The following PARP9 variants were observed in gnomAD, a reference collection of about 807,000 sequenced individuals.
PARP9 encodes poly(ADP-ribose) polymerase family member 9, also known as protein mono-ADP-ribosyltransferase PARP9.
In PARP9, 48 loss-of-function variants were observed where a neutral mutation model predicts 68.8. That is an observed-to-expected ratio of 0.70 (90% CI 0.55 to 0.89). The LOEUF (loss-of-function observed/expected upper bound fraction) is 0.89. PARP9 is among the 40% of genes least tolerant of loss of function. The pLI is 0.00. For synonymous variants in PARP9, 309 were observed against 333.8 expected (o/e 0.93, Z 0.81); for missense variants, 806 against 969.3 (o/e 0.83, Z 2.24).
intron 7 of PARP9, among the ~76,000 whole-genome samples, chr3:122,542,092 G>A (rs1331405549): frequency 6.6e-6 from 1 of 152,046 alleles, no homozygotes. Context: ...GTTCTGTCTA[G>A]GAGATTATAT....
rs2079625413 is a variant in PARP9 at position 122,556,141 on chromosome 3, T to TAAAAAAAAAATA, written c.50-21_50-20insTATTTTTTTTTT. 1 of 193,584 alleles carries TAAAAAAAAAATA rather than the reference T, an allele frequency of 5.2e-6. No individual in the cohort carries two copies. The allele number at this position is 193,584 out of a possible 1,614,324, so 12.0% of individuals were successfully genotyped here. A position where few individuals can be genotyped will look rare whatever the true frequency, so the allele number is the denominator to read the frequency against. Reference sequence around the variant, plus strand: ...CAGTCTCTGGAAAAGAAGAGAAGATTAAAAAAAAAAAAAAAAAAAAAAAAA... The same window carrying TAAAAAAAAAATA: ...CAGTCTCTGGAAAAGAAGAGAAGATTAAAAAAAAAATAAAAAAAAAAAAAAAAAAAAAAAAAA... On this transcript the variant is annotated intron_variant, in intron 3 of 10. Coordinates refer to ENST00000682323, the MANE Select transcript of PARP9 (RefSeq NM_001146105.2).
Position 122,552,464 on chromosome 3 carries a change from T to G in PARP9, c.1061A>C (p.Lys354Thr). The G allele has an allele frequency of 6.2e-7, 1 of 1,614,090 alleles. No individual in the cohort carries two copies. Among genetic ancestry groups the G allele is most frequent in the South Asian group, 1.1e-5 (1 of 91,080 alleles). Residue 354 changes from lysine to threonine, a missense_variant, in exon 5 of 11, where the codon AAA becomes ACA. By Grantham distance (78) the Lys-to-Thr change is moderately conservative. This residue lies in a region of PARP9 where 680 missense variants were observed against 858.8 expected (regional missense o/e 0.79). Coordinates refer to ENST00000682323, the MANE Select transcript of PARP9 (RefSeq NM_001146105.2). Reference protein sequence around the residue: ...LVTKGFNLFCKYIYHVLWHSE... With the variant: ...LVTKGFNLFCTYIYHVLWHSE... Reference sequence around the variant, plus strand: ...ATGCCACAGTACATGGTATATATATTTACAGAACAAGTTAAATCCTTTTGT... The same window carrying G: ...ATGCCACAGTACATGGTATATATATGTACAGAACAAGTTAAATCCTTTTGT...
Position 122,557,468 on chromosome 3 carries a change from C to T in PARP9, c.49+966G>A, listed in dbSNP as rs890753263. 3.3e-5 allele frequency among the ~76,000 whole-genome samples: 5 copies of T among 152,216 alleles called. No individual in the cohort carries two copies. In the South Asian group the frequency reaches 6.2e-4, roughly 19 times the overall value. On this transcript the variant is annotated intron_variant, in intron 3 of 10. Coordinates refer to ENST00000682323, the MANE Select transcript of PARP9 (RefSeq NM_001146105.2). ...AAGATGTGCTACTCAGATCTCCCTG[C>T]GATTGGCTATGAAGTGGGAAATACA... is the stretch of plus-strand genomic sequence containing the variant.
intron 4 of PARP9, among the ~76,000 whole-genome samples, chr3:122,552,967 G>A (rs2079335525): frequency 1.3e-5 from 2 of 152,008 alleles, no homozygotes; most frequent in South Asian, 4.2e-4. Context: ...AAGTTCTGTC[G>A]ATAAATGGTT....
intron 7 of PARP9, among the ~76,000 whole-genome samples, chr3:122,541,458 G>C (rs1460890768): frequency 6.6e-6 from 1 of 152,120 alleles, no homozygotes; most frequent in African/African-American, 2.4e-5. Context: ...TCTCACCCTG[G>C]ATGTTAACTA....
intron 6 of PARP9, among the ~76,000 whole-genome samples, chr3:122,546,995 TATATATATATATATATATAC>T (rs1324104701): frequency 1.1e-3 from 104 of 93,484 alleles, no homozygotes; most frequent in African/African-American, 3.9e-3. Context: ...TATATATATA[TATATATATATATATATATAC>T]ACACACACAC....
chr3:122,539,453 T>C (rs775700762), intron 8 of PARP9, among the ~76,000 whole-genome samples: 2 of 152,232 alleles, frequency 1.3e-5, no homozygotes, highest in Non-Finnish European at 2.9e-5. Context: ...GGGTGCAATA[T>C]GCATTAGTTG....
At position 122,528,338 on chromosome 3, in the gene PARP9, T is replaced by C. The variant is rs2077072654; in HGVS notation, c.*26A>G. ...GGTTAGTTCACCCAAGGTAAGGCCA[T>C]ACCAGCTGTTAAAATGATGTAGAGA... On this transcript the variant is annotated 3_prime_UTR_variant, in exon 11 of 11. Transcript: ENST00000682323. 1 of 1,597,260 alleles carries C rather than the reference T, an allele frequency of 6.3e-7. No individual in the cohort carries two copies. Among genetic ancestry groups the C allele is most frequent in the Non-Finnish European group, 8.5e-7 (1 of 1,170,960 alleles).
At chr3:122,564,388 G>GCCTCCCGGAGCCCCCGCGC, upstream of PARP9, 1 of 1,576,972 alleles carries the variant, frequency 6.3e-7, no homozygotes. Flanking sequence ...CCGCCCAGCT[G>GCCTCCCGGAGCCCCCGCGC]CCTCCCGGAG....
At chr3:122,558,298 G>T (rs1210801843) in intron 3 of PARP9, 136 bp downstream of exon 3, 9 of 1,606,634 alleles carry the variant, frequency 5.6e-6, no homozygotes, top group Non-Finnish European at 2.6e-6. Flanking sequence ...AGCATGTGCG[G>T]GGGTCCCCAC....
Position 122,540,501 on chromosome 3 carries a change from T to G in PARP9, c.1736A>C (p.Lys579Thr). The change falls in exon 8 of 11, where the codon AAA (lysine) becomes ACA (threonine). Residue 579 changes from lysine to threonine, a missense_variant. By Grantham distance (78) the Lys-to-Thr change is moderately conservative. Transcript: ENST00000682323. ...LCKVQEEMAR[K>T]KERGLWRSLG... ...CGAGCGCCAAAGGCCTCGCTCCTTT[T>G]TCCTTGCCATTTCCTCCTGTACTTT... The G allele has an allele frequency of 6.2e-7, 1 of 1,613,958 alleles. No homozygotes were observed. Among genetic ancestry groups the G allele is most frequent in the African/African-American group, 1.3e-5 (1 of 75,056 alleles).
At chr3:122,563,227 C>T (rs2080388942) in intron 1 of PARP9, among the ~76,000 whole-genome samples, 1 of 152,190 alleles carries the variant, frequency 6.6e-6, no homozygotes, top group Admixed American at 6.5e-5. Context: ...CTCTTCAAGG[C>T]TTTTCACCAT....
intron 4 of PARP9, among the ~76,000 whole-genome samples, chr3:122,553,982 C>T (rs1055550739): frequency 3.9e-5 from 6 of 152,168 alleles, no homozygotes; most frequent in Non-Finnish European, 4.4e-5. Context: ...TTCACCGCTA[C>T]CCTGACTCCT....
intron 10 of PARP9, 138 bp from the exon 11 acceptor site, chr3:122,528,881 C>A (rs2107527313): frequency 1.2e-6 from 1 of 831,992 alleles, no homozygotes; most frequent in Non-Finnish European, 1.8e-6. Flanking sequence ...GTGTCTATAG[C>A]AAAGACACTC....
chr3:122,535,818 A>G, intron 10 of PARP9: 1 of 1,109,838 alleles, frequency 9.0e-7, no homozygotes, highest in Non-Finnish European at 1.1e-6. Context: ...TGCTGTTGGT[A>G]ATAATTTTGT....
rs368829651 is a variant in PARP9 at position 122,558,463 on chromosome 3, G to T, written c.20C>A (p.Ala7Asp). 3.7e-6 allele frequency: 6 copies of T among 1,613,676 alleles called. No homozygotes were observed. Among genetic ancestry groups the T allele is most frequent in the Non-Finnish European group, 4.2e-6 (5 of 1,179,850 alleles). Residue 7 changes from alanine (A) to aspartate (D), a missense_variant, in exon 3 of 11, where the codon GCC becomes GAC. Physicochemically the swap from Ala to Asp is moderately radical, Grantham distance 126 (BLOSUM62 -2). Coordinates refer to ENST00000682323, the MANE Select transcript of PARP9 (RefSeq NM_001146105.2). Reference protein sequence around the residue: MDFSMVAGAAAYNEKSE... With the variant: MDFSMVDGAAAYNEKSE... ...TTTTTCATTGTAAGCTGCTGCTCCG[G>T]CCACCTGTGAAAAATGAGAATGGCT...
Position 122,528,402 on chromosome 3 carries a change from G to T in PARP9, c.2422C>A (p.Pro808Thr). The change falls in exon 11 of 11, where the codon CCT (proline) becomes ACT (threonine). Residue 808 changes from proline to threonine, a missense_variant. By Grantham distance (38) the Pro-to-Thr change is conservative. Coordinates refer to ENST00000682323, the MANE Select transcript of PARP9 (RefSeq NM_001146105.2). ...SGPMRPFAQH[P>T]WRGFASGSPV... is the part of the protein sequence containing the mutation. ...CTGCCACTTGCGAATCCCCTCCAAG[G>T]ATGCTGTGCAAAGGGTCTCATTGGT... 6.2e-7 allele frequency: 1 copy of T among 1,614,148 alleles called. No homozygotes were observed.
At chr3:122,543,913 T>C (rs1196989043) in intron 7 of PARP9, among the ~76,000 whole-genome samples, 2 of 152,252 alleles carry the variant, frequency 1.3e-5, no homozygotes, top group African/African-American at 4.8e-5. Context: ...GTCCCTTGAT[T>C]AATCATCTCC....
At chr3:122,535,861 G>T in intron 10 of PARP9, 1 of 1,026,826 alleles carries the variant, frequency 9.7e-7, no homozygotes, top group Non-Finnish European at 1.2e-6. Flanking sequence ...AAAAAAAAAA[G>T]CCTCAACGTG....
Sources: gnomAD v4.1 joint callset for allele counts (sites outside exome capture counted in the v4.1 genomes callset) on GRCh38, gnomAD v4.1.1 for gene constraint, gnomAD v4.1.1 regional missense constraint, MANE v1.5 for transcripts, NCBI Gene and HGNC (gene_info 2026-07-23, HGNC 2026-07-21) for gene names.